Variants in SMTNL1 observed in about 807,000 individuals in gnomAD.
SMTNL1 encodes the protein smoothelin-like protein 1.
A neutral mutation model predicts 46.6 loss-of-function variants in SMTNL1; 41 were observed. The ratio of observed to expected loss-of-function variants is 0.88; its 90% CI spans 0.69 to 1.14. The LOEUF is 1.14. SMTNL1 is among the 50% of genes most tolerant of loss of function. The pLI, the probability that SMTNL1 is intolerant of heterozygous loss-of-function variation, is 0.00. For synonymous variants in SMTNL1, 234 were observed against 234.2 expected, an observed-to-expected ratio of 1.00 and a Z score of 0.01; for missense variants, 591 against 626.1, an observed-to-expected ratio of 0.94 and a Z score of 0.60.
At position 57,550,133 on chromosome 11, in the gene SMTNL1, G is replaced by A. The variant is rs1178331807; in HGVS notation, c.*21G>A. On this transcript the variant is annotated 3_prime_UTR_variant, in exon 8 of 8. Transcript: ENST00000527972. ...AGTGAGGAGGTGACTGGCTCTGTGG[G>A]CAGAGATGGGCAGGGTGCCCAGCTC... The A allele has an allele frequency of 6.3e-7, 1 of 1,599,026 alleles. No homozygotes were observed. The highest frequency in any genetic ancestry group is 1.3e-5 in the African/African-American group (1 of 74,690).
intron 7 of SMTNL1, 93 bp from the exon 8 acceptor site, chr11:57,549,875 G>A (rs143180952): frequency 2.2e-5 from 31 of 1,397,296 alleles, no homozygotes; most frequent in Middle Eastern, 1.9e-4. Flanking sequence ...CATCCTATGG[G>A]CTTCGTCATT....
At chr11:57,539,422 A>G (rs891719490) in intron 1 of SMTNL1, among the ~76,000 whole-genome samples, 8 of 152,212 alleles carry the variant, frequency 5.3e-5, no homozygotes, top group African/African-American at 1.9e-4. Context: ...ACTTTGAGGT[A>G]TAAAAAGGGC....
At position 57,550,050 on chromosome 11, in the gene SMTNL1, T is replaced by G; in HGVS notation, c.1423T>G (p.Tyr475Asp). The change falls in exon 8 of 8, where the codon TAC becomes GAC. Residue 475 changes from tyrosine (Y) to aspartate (D), a missense_variant. Transcript: ENST00000527972. ...GCCCGACTCCAAGTGCGTCTACACA[T>G]ACATCCAGGAACTGTACCGCAGCCT... ...AVPDSKCVYT[Y>D]IQELYRSLVQ... 6.2e-7 allele frequency: 1 copy of G among 1,613,950 alleles called. No individual in the cohort carries two copies. The highest frequency in any genetic ancestry group is 8.5e-7 in the Non-Finnish European group (1 of 1,179,870).
chr11:57,542,419 G>A (rs1177497702), intron 1 of SMTNL1, among the ~76,000 whole-genome samples: 1 of 152,224 alleles, frequency 6.6e-6, no homozygotes, highest in Non-Finnish European at 1.5e-5. Context: ...AACCTACCGA[G>A]GGGCATCAGG....
At chr11:57,547,709 G>A (rs1450893358) in intron 7 of SMTNL1, among the ~76,000 whole-genome samples, 1 of 152,220 alleles carries the variant, frequency 6.6e-6, no homozygotes, top group Non-Finnish European at 1.5e-5. Flanking sequence ...TGGGAATGAA[G>A]GTTTTGCCTC....
chr11:57,541,485 A>G, intron 1 of SMTNL1: 1 of 1,366,928 alleles, frequency 7.3e-7, no homozygotes, highest in Admixed American at 1.9e-5. Flanking sequence ...ACTCCGAGTT[A>G]AGATGTCATA....
At chr11:57,545,681 A>G (rs1944915702) in intron 4 of SMTNL1, among the ~76,000 whole-genome samples, 200 bp from the exon 5 acceptor site, 1 of 151,328 alleles carries the variant, frequency 6.6e-6, no homozygotes, top group African/African-American at 2.4e-5. Context: ...CTCTACCCAC[A>G]TGTCCTCACC....
chr11:57,544,329 G>A (rs556106748), intron 4 of SMTNL1, among the ~76,000 whole-genome samples: 1 of 152,280 alleles, frequency 6.6e-6, no homozygotes, highest in Non-Finnish European at 1.5e-5. Flanking sequence ...GCAGTGAGCC[G>A]AGATTGCGCC....
rs1429528699 is a variant in SMTNL1, at chr11:57,546,104, T to C, written c.1073+68T>C. The C allele has an allele frequency of 1.0e-5, 16 of 1,524,692 alleles. No individual in the cohort carries two copies. In the East Asian group the frequency reaches 3.4e-4, roughly 33 times the overall value. The allele number at this position is 1,524,692 out of a possible 1,614,324, so 94.4% of individuals were successfully genotyped here. A position where few individuals can be genotyped will look rare whatever the true frequency, so the allele number is the denominator to read the frequency against. ...ACCCTGGGTTGGTGGGAGGGTGGCC[T>C]CAGGGGCAGTGGGAACAGCCCAGGC... On this transcript the variant is annotated intron_variant, in intron 5 of 7. Coordinates refer to ENST00000527972, the MANE Select transcript of SMTNL1 (RefSeq NM_001105565.3).
Position 57,550,028 on chromosome 11 carries a change from C to G in SMTNL1, c.1401C>G (p.Pro467=), listed in dbSNP as rs140291472. 1 of 1,613,934 alleles carries G rather than the reference C, an allele frequency of 6.2e-7. No individual in the cohort carries two copies. Among genetic ancestry groups the G allele is most frequent in the Non-Finnish European group, 8.5e-7 (1 of 1,179,882 alleles). The change falls in exon 8 of 8, where the codon CCC becomes CCG. Residue 467 remains proline (P), a synonymous_variant. Coordinates refer to ENST00000527972, the MANE Select transcript of SMTNL1 (RefSeq NM_001105565.3). ...ATGACATGGTGCGGTTGGCTGTGCC[C>G]GACTCCAAGTGCGTCTACACATACA... The part of the protein sequence containing the change: ...DVDDMVRLAV[P]DSKCVYTYIQ...
At chr11:57,549,323 G>A (rs1367049846) in intron 7 of SMTNL1, among the ~76,000 whole-genome samples, 5 of 151,958 alleles carry the variant, frequency 3.3e-5, no homozygotes, top group Non-Finnish European at 1.5e-5. Flanking sequence ...ACCACACCTG[G>A]CCCCTTTAAA....
At chr11:57,540,557 ACC>A (rs1944865407) in intron 1 of SMTNL1, among the ~76,000 whole-genome samples, 1 of 152,016 alleles carries the variant, frequency 6.6e-6, no homozygotes, top group Non-Finnish European at 1.5e-5. Flanking sequence ...ATCCAGATGA[ACC>A]CCATCATTGT....
Position 57,543,008 on chromosome 11 carries a change from C to T in SMTNL1, c.366C>T (p.Pro122=). Residue 122 remains proline, a synonymous_variant, in exon 2 of 8, where the codon CCC becomes CCT. Transcript: ENST00000527972. Reference sequence around the variant, plus strand: ...GGAAAGAAGAGACCAAATCTGAACCCAAAGAGGCTGAGGAAAAGGAGAGCA... The same window carrying T: ...GGAAAGAAGAGACCAAATCTGAACCTAAAGAGGCTGAGGAAAAGGAGAGCA... ...TGRKEETKSE[P]KEAEEKESTL... 1 of 1,602,080 alleles carries T rather than the reference C, an allele frequency of 6.2e-7. No individual in the cohort carries two copies. The highest frequency in any genetic ancestry group is 1.1e-5 in the South Asian group (1 of 89,162).
intron 1 of SMTNL1, among the ~76,000 whole-genome samples, chr11:57,538,694 G>C (rs546869715): frequency 6.6e-5 from 10 of 152,186 alleles, no homozygotes; most frequent in Non-Finnish European, 1.2e-4. Flanking sequence ...AGAGAGCCAG[G>C]CCACTTGTCC....
Position 57,550,259 on chromosome 11 carries a change from C to A in SMTNL1, c.*147C>A. ...GTTGGTTTTAACTGCATTAAAAGTA[C>A]TTTTGTAAAATCCTGTCTGGCCCCT... On this transcript the variant is annotated 3_prime_UTR_variant, in exon 8 of 8. Coordinates refer to ENST00000527972, the MANE Select transcript of SMTNL1 (RefSeq NM_001105565.3). 1 of 816,838 alleles carries A rather than the reference C, an allele frequency of 1.2e-6. No individual in the cohort carries two copies. Among genetic ancestry groups the A allele is most frequent in the Non-Finnish European group, 1.9e-6 (1 of 528,652 alleles). The allele number at this position is 816,838 out of a possible 1,614,324, so 50.6% of individuals were successfully genotyped here. A position where few individuals can be genotyped will look rare whatever the true frequency, so the allele number is the denominator to read the frequency against.
chr11:57,543,299 T>C lies in SMTNL1; in HGVS notation c.657T>C (p.Asp219=). 6.2e-7 allele frequency: 1 copy of C among 1,613,866 alleles called. No individual in the cohort carries two copies. Among genetic ancestry groups the C allele is most frequent in the Non-Finnish European group, 8.5e-7 (1 of 1,179,856 alleles). ...DEAKAEPKEP[D]GKEEAKHGAK... ...CTAAGGCTGAACCCAAGGAGCCCGATGGGAAAGAGGAGGCCAAACATGGTG... is the reference window on the plus strand; with the variant it reads ...CTAAGGCTGAACCCAAGGAGCCCGACGGGAAAGAGGAGGCCAAACATGGTG... The change falls in exon 2 of 8, where the codon GAT becomes GAC. Residue 219 remains aspartate, a synonymous_variant. Transcript: ENST00000527972.
Position 57,543,768 on chromosome 11 carries a change from C to T in SMTNL1, c.865+12C>T. On this transcript the variant is annotated intron_variant, in intron 3 of 7. Transcript: ENST00000527972. ...CAACCTCAGCACAGGTGAGTGAGAG[C>T]CCAGAGCCCATGGGATGCTGCAGAG... 6.4e-7 allele frequency: 1 copy of T among 1,556,940 alleles called. No individual in the cohort carries two copies. The highest frequency in any genetic ancestry group is 1.2e-5 in the South Asian group (1 of 84,414).
intron 1 of SMTNL1, among the ~76,000 whole-genome samples, chr11:57,539,040 G>A (rs1014503722): frequency 6.6e-6 from 1 of 152,086 alleles, no homozygotes; most frequent in African/African-American, 2.4e-5. Context: ...TATGCAGCGT[G>A]TAGGCAGAAG....
rs909308997 is a variant in SMTNL1, at chr11:57,542,753, A to C, written c.111A>C (p.Thr37=). ...CCCCTGCAGAGGAGACCAAAGGCAC[A>C]GCTGGAAAGGCCATCAATGAGGGGC... ...GGAPAEETKG[T]AGKAINEGPP... is the part of the protein sequence containing the mutation. The change falls in exon 2 of 8, where the codon ACA becomes ACC. Residue 37 remains threonine, a synonymous_variant. Transcript: ENST00000527972. 8.7e-6 allele frequency: 14 copies of C among 1,613,854 alleles called. No homozygotes were observed. The highest frequency in any genetic ancestry group is 1.2e-5 in the Non-Finnish European group (14 of 1,179,870).
Sources: allele counts gnomAD v4.1 joint callset (sites outside exome capture counted in the v4.1 genomes callset), GRCh38; gene constraint gnomAD v4.1.1; transcripts MANE v1.5; gene names NCBI Gene and HGNC (gene_info 2026-07-23, HGNC 2026-07-21).